JPH3: variants seen among roughly 807,000 people sequenced by gnomAD.
JPH3 encodes the protein junctophilin 3, also known as junctophilin-3.
A neutral mutation model predicts 59.6 loss-of-function variants in JPH3; 11 were observed. That is an observed-to-expected ratio of 0.18 (90% CI 0.12 to 0.31). JPH3 has a LOEUF of 0.31. Ranked by LOEUF, JPH3 falls within the 10% of genes least tolerant of loss-of-function variation. JPH3 has a pLI of 1.00. For synonymous variants in JPH3, 673 were observed against 483.6 expected (o/e 1.39, Z -5.14); for missense variants, 1,202 against 1,105.7 (o/e 1.09, Z -1.24).
At chr16:87,665,469 C>A (rs949361288) in intron 2 of JPH3, among the ~76,000 whole-genome samples, 2 of 152,226 alleles carry the variant, frequency 1.3e-5, no homozygotes, top group Non-Finnish European at 2.9e-5. Flanking sequence ...TTTGGAGAAT[C>A]GTGATTCTGG....
intron 2 of JPH3, among the ~76,000 whole-genome samples, chr16:87,683,643 A>G (rs545106936): frequency 1.6e-4 from 23 of 141,192 alleles, no homozygotes; most frequent in Non-Finnish European, 6.1e-5. Flanking sequence ...GTCTTGCTCT[A>G]TTACCCAAGC....
chr16:87,605,752 T>TCCCAGCCTTTGGCTGCAGGGATC (rs2030495472), intron 1 of JPH3, among the ~76,000 whole-genome samples: 1 of 152,042 alleles, frequency 6.6e-6, no homozygotes, highest in Non-Finnish European at 1.5e-5. Context: ...GATTCAGGAG[T>TCCCAGCCTTTGGCTGCAGGGATC]CCCAGCCTTT....
rs149163532 is a variant in JPH3 at position 87,673,060 on chromosome 16, C to T, written c.1161-11082C>T. ...ACTTGGGAGGTTGAGGCAGGAGAAT[C>T]GCTTAAACCCAGGAGGCGGAGGTTG... On this transcript the variant is annotated intron_variant, in intron 2 of 4. Coordinates refer to ENST00000284262, the MANE Select transcript of JPH3 (RefSeq NM_020655.4). Among the ~76,000 whole-genome samples, 91 of 152,044 alleles carry T rather than the reference C, an allele frequency of 6.0e-4. No individual in the cohort carries two copies. The Middle Eastern group carries it at 0.02, about 34-fold the overall frequency.
chr16:87,684,257 C>T lies in JPH3; in HGVS notation c.1276C>T (p.Arg426Trp), dbSNP rs138328691. 134 of 1,613,770 alleles carry T rather than the reference C, an allele frequency of 8.3e-5. No individual in the cohort carries two copies. The highest frequency in any genetic ancestry group is 8.1e-4 in the African/African-American group (61 of 74,922). ...AGAGTTCTCCCCTTCCTTCCAGCACCGGGAAAACGGTGAGTCTCGCCGGGC... is the reference window on the plus strand; with the variant it reads ...AGAGTTCTCCCCTTCCTTCCAGCACTGGGAAAACGGTGAGTCTCGCCGGGC... ...AKEFSPSFQH[R>W]ENGLEYQRPK... The change falls in exon 3 of 5, where the codon CGG (arginine) becomes TGG (tryptophan). Residue 426 changes from arginine (R) to tryptophan (W), a missense_variant. Transcript: ENST00000284262.
At chr16:87,607,174 C>A (rs928052885) in intron 1 of JPH3, among the ~76,000 whole-genome samples, 1 of 152,238 alleles carries the variant, frequency 6.6e-6, no homozygotes, top group African/African-American at 2.4e-5. Flanking sequence ...AACCCATACA[C>A]TGCCCAGGAC....
intron 2 of JPH3, among the ~76,000 whole-genome samples, chr16:87,659,484 G>A (rs2032632412): frequency 6.6e-6 from 1 of 152,050 alleles, no homozygotes; most frequent in Non-Finnish European, 1.5e-5. Flanking sequence ...AGCACTGGGA[G>A]GTTGAGGTGG....
rs1275393162 is a variant in JPH3 at position 87,677,389 on chromosome 16, C to A, written c.1161-6753C>A. Among the ~76,000 whole-genome samples, 3 of 151,976 alleles carry A rather than the reference C, an allele frequency of 2.0e-5. No individual in the cohort carries two copies. The East Asian group carries it at 5.8e-4, about 29-fold the overall frequency. On this transcript the variant is annotated intron_variant, in intron 2 of 4. Coordinates refer to ENST00000284262, the MANE Select transcript of JPH3 (RefSeq NM_020655.4). ...CAGAGCAAAATTCTGTCTCAAAAAA[C>A]AAACAAAATAAATGATATCTCAATA...
chr16:87,668,021 C>G (rs1347000236), intron 2 of JPH3, among the ~76,000 whole-genome samples: 1 of 152,218 alleles, frequency 6.6e-6, no homozygotes, highest in Non-Finnish European at 1.5e-5. Flanking sequence ...AGAAACTTAT[C>G]TTCTGGCTTC....
In JPH3 at chr16:87,642,726, G is replaced by A. The variant is rs529337739; in HGVS notation, c.383-1532G>A. Among the ~76,000 whole-genome samples the A allele has an allele frequency of 5.1e-4, 77 of 152,338 alleles. No individual in the cohort carries two copies. In the South Asian group the frequency reaches 0.014, roughly 28 times the overall value. ...TTTGCCGCGTTGGGCGTCGTGCTGAGGCCCAGCCGTCCTCACGGTGACCTT... is the reference window on the plus strand; with the variant it reads ...TTTGCCGCGTTGGGCGTCGTGCTGAAGCCCAGCCGTCCTCACGGTGACCTT... On this transcript the variant is annotated intron_variant, in intron 1 of 4. Coordinates refer to ENST00000284262, the MANE Select transcript of JPH3 (RefSeq NM_020655.4).
chr16:87,689,715 C>A lies in JPH3; in HGVS notation c.1355C>A (p.Pro452His), dbSNP rs1274232405. 9 of 1,612,568 alleles carry A rather than the reference C, an allele frequency of 5.6e-6. No individual in the cohort carries two copies. The South Asian group carries it at 9.9e-5, about 18-fold the overall frequency. Reference protein sequence around the residue: ...DDIEVLSTGTPLQQESPELYR... With the variant: ...DDIEVLSTGTHLQQESPELYR... Reference sequence around the variant, plus strand: ...ATCGAGGTGCTGTCCACCGGGACACCCCTGCAGCAGGAGAGCCCCGAGCTG... The same window carrying A: ...ATCGAGGTGCTGTCCACCGGGACACACCTGCAGCAGGAGAGCCCCGAGCTG... Residue 452 changes from proline to histidine, a missense_variant, in exon 4 of 5, where the codon CCC (proline) becomes CAC (histidine). Coordinates refer to ENST00000284262, the MANE Select transcript of JPH3 (RefSeq NM_020655.4).
rs1375075947 is a variant in JPH3, at chr16:87,603,548, CCGGGCCGGGG to C, written c.382+25_382+34del. Reference sequence around the variant, plus strand: ...ACGGAGGTAGGTGCCGCGGGCCGGGCCGGGCCGGGGCGGGAGGGACGTGCTTCCGATCGCG... The same window carrying C: ...ACGGAGGTAGGTGCCGCGGGCCGGGCCGGGAGGGACGTGCTTCCGATCGCG... On this transcript the variant is annotated intron_variant, in intron 1 of 4. Coordinates refer to ENST00000284262, the MANE Select transcript of JPH3 (RefSeq NM_020655.4). The C allele has an allele frequency of 4.5e-6, 7 of 1,542,450 alleles. No homozygotes were observed. In the South Asian group the frequency reaches 6.0e-5, roughly 13 times the overall value.
At chr16:87,642,055 A>C in intron 1 of JPH3, among the ~76,000 whole-genome samples, 1 of 152,144 alleles carries the variant, frequency 6.6e-6, no homozygotes, top group East Asian at 1.9e-4. Context: ...AGAGAGCGTG[A>C]ACAGAGCCTT....
Position 87,696,677 on chromosome 16 carries a change from CA to C in JPH3, c.*22del. ...TTCATCTGATGAGATGTCGCGGTAG[CA>C]AAAATAGAGAAAGGGTAGAAAAAAG... On this transcript the variant is annotated 3_prime_UTR_variant, in exon 5 of 5. Transcript: ENST00000284262. 1 of 1,594,154 alleles carries C rather than the reference CA, an allele frequency of 6.3e-7. No homozygotes were observed. Among genetic ancestry groups the C allele is most frequent in the Non-Finnish European group, 8.6e-7 (1 of 1,163,274 alleles).
Position 87,668,311 on chromosome 16 carries a change from C to T in JPH3, c.1161-15831C>T, listed in dbSNP as rs371521316. The stretch of plus-strand genomic sequence containing the variant: ...TTTCGTGGTCCATGTTTGGGGGTTA[C>T]ATCTGGGCCTGTCCCTTCTCTGTGT... On this transcript the variant is annotated intron_variant, in intron 2 of 4. Transcript: ENST00000284262. Among the ~76,000 whole-genome samples, 19 of 152,298 alleles carry T rather than the reference C, an allele frequency of 1.2e-4. No individual in the cohort carries two copies. The South Asian group carries it at 2.9e-3, about 23-fold the overall frequency.
intron 4 of JPH3, among the ~76,000 whole-genome samples, chr16:87,690,810 G>A (rs928268078): frequency 5.3e-5 from 8 of 152,222 alleles, no homozygotes; most frequent in African/African-American, 9.6e-5. Context: ...GGATCCCTGC[G>A]CTCCCCGCAA....
intron 4 of JPH3, among the ~76,000 whole-genome samples, chr16:87,692,983 C>G (rs2033642955): frequency 6.6e-6 from 1 of 152,224 alleles, no homozygotes; most frequent in African/African-American, 2.4e-5. Flanking sequence ...AACTTTGCAC[C>G]AGGGGTGGCA....
chr16:87,645,252 G>T (rs946910064), intron 2 of JPH3, among the ~76,000 whole-genome samples: 1 of 152,212 alleles, frequency 6.6e-6, no homozygotes, highest in Non-Finnish European at 1.5e-5. Flanking sequence ...TGGTTGATTT[G>T]TGGGGGTGTA....
rs111987038 is a variant in JPH3 at position 87,659,043 on chromosome 16, G to A, written c.1160+14008G>A. On this transcript the variant is annotated intron_variant, in intron 2 of 4. Coordinates refer to ENST00000284262, the MANE Select transcript of JPH3 (RefSeq NM_020655.4). ...GACAGCTGCGGCGGCCACAGCGAAA[G>A]CCATGCAGCCTGCCCCATGCCTGGC... 6.1e-3 allele frequency among the ~76,000 whole-genome samples: 928 copies of A among 152,326 alleles called. 15 individuals are homozygous for A. The highest frequency in any genetic ancestry group is 0.021 in the African/African-American group (884 of 41,576).
In JPH3 at chr16:87,613,189, C is replaced by T. The variant is rs1000975287; in HGVS notation, c.382+9661C>T. Reference sequence around the variant, plus strand: ...TCGGCTCACTGCAAGCTCCGCCTGCCGGATTCACGCCATTCTCCTGCCTCA... The same window carrying T: ...TCGGCTCACTGCAAGCTCCGCCTGCTGGATTCACGCCATTCTCCTGCCTCA... On this transcript the variant is annotated intron_variant, in intron 1 of 4. Coordinates refer to ENST00000284262, the MANE Select transcript of JPH3 (RefSeq NM_020655.4). Among the ~76,000 whole-genome samples the T allele has an allele frequency of 8.0e-5, 12 of 149,342 alleles. 1 individual carries two copies. The highest frequency in any genetic ancestry group is 4.0e-4 in the Admixed American group (6 of 15,014).
Sources: gnomAD v4.1 joint callset for allele counts (sites outside exome capture counted in the v4.1 genomes callset) on GRCh38, gnomAD v4.1.1 for gene constraint, MANE v1.5 for transcripts, NCBI Gene and HGNC (gene_info 2026-07-23, HGNC 2026-07-21) for gene names.